UBAP2: variants seen among roughly 807,000 people sequenced by gnomAD.
UBAP2 encodes ubiquitin-associated protein 2.
UBAP2 carries 75 observed loss-of-function variants against 139.6 expected under a neutral mutation model. The observed-to-expected ratio is 0.54, with a 90% confidence interval of 0.45 to 0.65. The LOEUF (loss-of-function observed/expected upper bound fraction) is 0.65, where lower values mean the gene tolerates loss of function less well. Ranked by LOEUF, UBAP2 falls within the 30% of genes least tolerant of loss-of-function variation. The pLI is 0.00. For missense variants in UBAP2, 1,368 were observed against 1,369.6 expected, an observed-to-expected ratio of 1.00 and a Z score of 0.02; for synonymous variants, 526 against 526.2, an observed-to-expected ratio of 1.00 and a Z score of 0.01.
At chr9:34,004,770 C>T (rs1476566251) in intron 2 of UBAP2, among the ~76,000 whole-genome samples, 3 of 145,374 alleles carry the variant, frequency 2.1e-5, no homozygotes, top group African/African-American at 2.6e-5. Flanking sequence ...GGCAAAAGAG[C>T]GAGATTCTGT....
chr9:34,014,741 G>A (rs539569525), intron 2 of UBAP2, among the ~76,000 whole-genome samples: 2 of 143,900 alleles, frequency 1.4e-5, no homozygotes, highest in African/African-American at 5.2e-5. Flanking sequence ...GTTGGAGTGA[G>A]CCGAGACTGG....
intron 9 of UBAP2, 37 bp from the exon 10 acceptor site, chr9:33,960,915 A>T: frequency 6.3e-7 from 1 of 1,599,716 alleles, no homozygotes; most frequent in Non-Finnish European, 8.6e-7. Flanking sequence ...TTTATACCAC[A>T]AAGTCAAATA....
chr9:33,923,592 T>C (rs767981745), intron 24 of UBAP2, 114 bp from the exon 25 acceptor site: 3 of 1,147,390 alleles, frequency 2.6e-6, no homozygotes, highest in Non-Finnish European at 3.9e-6. Context: ...ACAGGGGACC[T>C]GTGTTTTCAT....
At chr9:33,926,575 G>C (rs1417804925) in intron 22 of UBAP2, 42 bp downstream of exon 22, 7 of 1,612,028 alleles carry the variant, frequency 4.3e-6, no homozygotes, top group Non-Finnish European at 5.9e-6. Context: ...ACATGTAAAA[G>C]ATTCTGAACC....
chr9:33,975,718 G>A (rs1443106996), intron 6 of UBAP2, among the ~76,000 whole-genome samples: 1 of 151,068 alleles, frequency 6.6e-6, no homozygotes, highest in African/African-American at 2.4e-5. Context: ...AGGCAGAATG[G>A]CGTGAACCCG....
Position 33,960,884 on chromosome 9 carries a change from G to A in UBAP2, c.746-6C>T. On this transcript the variant is annotated splice_polypyrimidine_tract_variant and splice_region_variant and intron_variant, in intron 9 of 28. Coordinates refer to ENST00000379238, the MANE Select transcript of UBAP2 (RefSeq NM_001370062.2). ...CACAGAATTCTTCCAAGCCCCTGTT[G>A]GGAAACAACAGCAATCAAAGTTTAT... 6.2e-7 allele frequency: 1 copy of A among 1,613,774 alleles called. No individual in the cohort carries two copies. Among genetic ancestry groups the A allele is most frequent in the Non-Finnish European group, 8.5e-7 (1 of 1,179,900 alleles).
chr9:33,974,619 C>A (rs1828158029), intron 6 of UBAP2, among the ~76,000 whole-genome samples: 1 of 151,854 alleles, frequency 6.6e-6, no homozygotes, highest in Non-Finnish European at 1.5e-5. Flanking sequence ...CTGGAACACA[C>A]AAAGAACTCC....
At chr9:34,020,852 C>T (rs1824879446) in intron 1 of UBAP2, among the ~76,000 whole-genome samples, 1 of 151,600 alleles carries the variant, frequency 6.6e-6, no homozygotes, top group Non-Finnish European at 1.5e-5. Context: ...TTAGTAGAGA[C>T]GGGGTTTCAC....
chr9:33,959,032 CCAGCTACTCAGGTGGCTGGGG>C (rs1826805737), intron 10 of UBAP2, among the ~76,000 whole-genome samples: 1 of 151,922 alleles, frequency 6.6e-6, no homozygotes. Flanking sequence ...ATCTATAATT[CCAGCTACTCAGGTGGCTGGGG>C]CAGGAGAATC....
intron 2 of UBAP2, among the ~76,000 whole-genome samples, chr9:34,012,811 T>C (rs1823873534): frequency 6.6e-6 from 1 of 151,600 alleles, no homozygotes; most frequent in African/African-American, 2.4e-5. Context: ...CATATTCCCA[T>C]TGCAACTTTT....
At chr9:34,016,245 A>AGAG (rs1554690786) in intron 2 of UBAP2, among the ~76,000 whole-genome samples, 1 of 17,064 alleles carries the variant, frequency 5.9e-5, no homozygotes, top group East Asian at 4.1e-3. Context: ...AAGGGGAGGA[A>AGAG]GAGGAGGAGG....
intron 10 of UBAP2, among the ~76,000 whole-genome samples, chr9:33,960,070 CA>C (rs1232327197): frequency 6.6e-6 from 1 of 151,962 alleles, no homozygotes; most frequent in Non-Finnish European, 1.5e-5. Flanking sequence ...GCTGAGACTA[CA>C]GATGCACAAC....
intron 1 of UBAP2, among the ~76,000 whole-genome samples, chr9:34,040,133 T>G: frequency 6.8e-6 from 1 of 147,294 alleles, no homozygotes; most frequent in Non-Finnish European, 1.5e-5. Flanking sequence ...CACACTAGCC[T>G]GGGCGACAAG....
chr9:33,968,501 C>A (rs763893418), intron 8 of UBAP2: 6 of 515,814 alleles, frequency 1.2e-5, no homozygotes, highest in South Asian at 8.0e-5. Flanking sequence ...TAATGGGACG[C>A]GGTACAAAGT....
chr9:33,943,330 G>A (rs1825391562), intron 15 of UBAP2, 90 bp downstream of exon 15: 1 of 1,322,934 alleles, frequency 7.6e-7, no homozygotes, highest in Non-Finnish European at 1.0e-6. Flanking sequence ...AAACACTGAG[G>A]ATAGCTATTA....
At chr9:33,942,673 C>T (rs1028973830) in intron 15 of UBAP2, among the ~76,000 whole-genome samples, 6 of 149,610 alleles carry the variant, frequency 4.0e-5, no homozygotes, top group African/African-American at 1.2e-4. Context: ...GAGGTTGCAG[C>T]GAGCCAAGCA....
chr9:33,989,902 G>GT, intron 4 of UBAP2, among the ~76,000 whole-genome samples: 1 of 152,172 alleles, frequency 6.6e-6, no homozygotes, highest in Non-Finnish European at 1.5e-5. Context: ...TGGCAGATAA[G>GT]TAAAATTTTA....
intron 19 of UBAP2, 89 bp from the exon 20 acceptor site, chr9:33,928,081 T>C: frequency 7.2e-7 from 1 of 1,391,984 alleles, no homozygotes; most frequent in Non-Finnish European, 9.7e-7. Flanking sequence ...GGCCCAAGTC[T>C]CAAGGCTGAG....
Position 33,996,347 on chromosome 9 carries a change from C to G in UBAP2, c.178-14G>C. The G allele has an allele frequency of 1.3e-6, 2 of 1,597,840 alleles. No individual in the cohort carries two copies. Among genetic ancestry groups the G allele is most frequent in the Non-Finnish European group, 1.7e-6 (2 of 1,167,166 alleles). ...CACTTCCATAAGCTAGTGAACATAT[C>G]AGAAAATGGTTAGAGGCAAACAAAA... On this transcript the variant is annotated splice_polypyrimidine_tract_variant and intron_variant, in intron 3 of 28. Transcript: ENST00000379238.
Sources: allele counts gnomAD v4.1 joint callset (sites outside exome capture counted in the v4.1 genomes callset), GRCh38; gene constraint gnomAD v4.1.1; transcripts MANE v1.5; gene names NCBI Gene and HGNC (gene_info 2026-07-23, HGNC 2026-07-21).